HNMT: variants seen among roughly 807,000 people sequenced by gnomAD.
The protein encoded by HNMT is histamine N-methyltransferase.
A neutral mutation model predicts 32.1 loss-of-function variants in HNMT; 30 were observed. The ratio of observed to expected loss-of-function variants is 0.93; its 90% CI spans 0.70 to 1.27. The LOEUF is 1.27. HNMT is among the 50% of genes most tolerant of loss of function. The pLI, the probability that HNMT is intolerant of heterozygous loss-of-function variation, is 0.00. For missense variants in HNMT, 327 were observed against 346.0 expected (o/e 0.95, Z 0.43); for synonymous variants, 125 against 119.0 (o/e 1.05, Z -0.33).
intron 2 of HNMT, among the ~76,000 whole-genome samples, chr2:137,994,291 T>C (rs1680916147): frequency 6.6e-6 from 1 of 152,212 alleles, no homozygotes; most frequent in African/African-American, 2.4e-5. Context: ...CCATCTCATG[T>C]GCAAAGACAT....
At chr2:137,968,304 A>G (rs963473663) in intron 1 of HNMT, among the ~76,000 whole-genome samples, 1 of 152,228 alleles carries the variant, frequency 6.6e-6, no homozygotes, top group African/African-American at 2.4e-5. Context: ...ATAATATGTG[A>G]AATGGGATGA....
intron 2 of HNMT, among the ~76,000 whole-genome samples, chr2:137,989,682 C>A (rs796933292): frequency 6.6e-6 from 1 of 152,172 alleles, no homozygotes; most frequent in Non-Finnish European, 1.5e-5. Flanking sequence ...AAACTGTATT[C>A]CAAAGTGGAC....
chr2:137,978,585 G>T (rs1680366352), intron 2 of HNMT, among the ~76,000 whole-genome samples: 1 of 132,370 alleles, frequency 7.6e-6, no homozygotes, highest in Non-Finnish European at 1.5e-5. Context: ...AGATAATATA[G>T]TATTATACAA....
At position 137,967,179 on chromosome 2, in the gene HNMT, G is replaced by A. The variant is rs1338879747; in HGVS notation, c.137+2551G>A. On this transcript the variant is annotated intron_variant, in intron 1 of 5. Transcript: ENST00000280097. Reference sequence around the variant, plus strand: ...TAATCCTAGCACTTCGGGAGGCTGAGGCGGGAGGATTACTTGAGCCTAGGA... The same window carrying A: ...TAATCCTAGCACTTCGGGAGGCTGAAGCGGGAGGATTACTTGAGCCTAGGA... 12 of 759,466 alleles carry A rather than the reference G, an allele frequency of 1.6e-5. No individual in the cohort carries two copies. The East Asian group carries it at 2.4e-4, about 15-fold the overall frequency. The allele number at this position is 759,466 out of a possible 1,614,324, so 47.0% of individuals were successfully genotyped here.
At position 137,976,527 on chromosome 2, in the gene HNMT, G is replaced by A. The variant is rs186805981; in HGVS notation, c.190+6310G>A. ...TTCGGAGTAGTGTGGCTATTACCAT[G>A]TTTGCTGTATTGAGGAAGCGGTATT... On this transcript the variant is annotated intron_variant, in intron 2 of 5. Coordinates refer to ENST00000280097, the MANE Select transcript of HNMT (RefSeq NM_006895.3). Among the ~76,000 whole-genome samples, 274 of 152,240 alleles carry A rather than the reference G, an allele frequency of 1.8e-3. 1 individual carries two copies. Among genetic ancestry groups the A allele is most frequent in the African/African-American group, 6.2e-3 (256 of 41,544 alleles).
intron 2 of HNMT, among the ~76,000 whole-genome samples, chr2:137,978,982 A>T (rs1680394705): frequency 7.1e-6 from 1 of 141,260 alleles, no homozygotes; most frequent in Non-Finnish European, 1.5e-5. Flanking sequence ...TATATAATAT[A>T]TATAATTGGT....
intron 1 of HNMT, among the ~76,000 whole-genome samples, chr2:137,966,354 G>C (rs1022061570): frequency 6.6e-6 from 1 of 152,026 alleles, no homozygotes; most frequent in Admixed American, 6.5e-5. Flanking sequence ...AAATCTTTTA[G>C]TTATTTATGG....
intron 5 of HNMT, among the ~76,000 whole-genome samples, chr2:138,007,895 C>T (rs964867377): frequency 2.6e-5 from 4 of 151,920 alleles, no homozygotes; most frequent in East Asian, 1.9e-4. Flanking sequence ...GACACACTTC[C>T]GTTGAACCTG....
At chr2:138,006,908 A>G (rs553826523) in intron 5 of HNMT, among the ~76,000 whole-genome samples, 8 of 152,076 alleles carry the variant, frequency 5.3e-5, no homozygotes, top group Non-Finnish European at 1.0e-4. Flanking sequence ...AGACTCAACA[A>G]TCAGTTAGCT....
intron 4 of HNMT, 70 bp downstream of exon 4, chr2:138,002,264 A>C: frequency 8.9e-7 from 1 of 1,124,404 alleles, no homozygotes; most frequent in Non-Finnish European, 1.2e-6. Flanking sequence ...ATGAATATCT[A>C]CTATTCTAAT....
chr2:137,974,251 T>C (rs1012603453), intron 2 of HNMT, among the ~76,000 whole-genome samples: 1 of 152,090 alleles, frequency 6.6e-6, no homozygotes, highest in African/African-American at 2.4e-5. Context: ...ACAAAATGAG[T>C]GGCCAGAATT....
intron 1 of HNMT, among the ~76,000 whole-genome samples, chr2:137,966,816 T>G (rs1679971933): frequency 2.0e-5 from 3 of 152,188 alleles, no homozygotes; most frequent in African/African-American, 7.2e-5. Flanking sequence ...ATACAACTAT[T>G]AAGGAGGGAA....
intron 3 of HNMT, among the ~76,000 whole-genome samples, chr2:138,001,652 A>G (rs1340291833): frequency 3.3e-5 from 5 of 152,174 alleles, no homozygotes; most frequent in Non-Finnish European, 7.4e-5. Context: ...CAGGAAGTAG[A>G]ACGATATATG....
In HNMT at chr2:137,981,387, T is replaced by C. The variant is rs770517126; in HGVS notation, c.190+11170T>C. 3 of 1,607,248 alleles carry C rather than the reference T, an allele frequency of 1.9e-6. No homozygotes were observed. The East Asian group carries it at 6.7e-5, about 36-fold the overall frequency. The stretch of plus-strand genomic sequence containing the variant: ...AAATCTGCATTTCCCTCATTCCTAG[T>C]TTCCTTCATCCTCTTTTAAGTGTCA... On this transcript the variant is annotated intron_variant, in intron 2 of 5. Transcript: ENST00000280097.
chr2:138,013,722 C>T (rs1681578299), intron 5 of HNMT, 53 bp from the exon 6 acceptor site: 2 of 1,402,924 alleles, frequency 1.4e-6, no homozygotes, highest in East Asian at 2.4e-5. Context: ...TTCTGGCAGA[C>T]TGCAAATGAA....
intron 2 of HNMT, among the ~76,000 whole-genome samples, chr2:137,972,358 G>A (rs577313744): frequency 9.6e-4 from 146 of 152,064 alleles, no homozygotes; most frequent in South Asian, 1.9e-3. Context: ...TGTCTGCCTC[G>A]GCCTCCCAAA....
chr2:137,990,360 T>C (rs2104956424), intron 2 of HNMT, among the ~76,000 whole-genome samples: 1 of 152,308 alleles, frequency 6.6e-6, no homozygotes, highest in African/African-American at 2.4e-5. Flanking sequence ...TCCATTGTAT[T>C]GCCTTTGCTC....
rs542798501 is a variant in HNMT, at chr2:137,990,918, G to A, written c.191-10000G>A. On this transcript the variant is annotated intron_variant, in intron 2 of 5. Coordinates refer to ENST00000280097, the MANE Select transcript of HNMT (RefSeq NM_006895.3). The stretch of plus-strand genomic sequence containing the variant: ...CTGAAAATAATGTCAGATCCCACAG[G>A]TTGAGGGCTCAGTCCCACAAAACTG... Among the ~76,000 whole-genome samples, 156 of 152,116 alleles carry A rather than the reference G, an allele frequency of 1.0e-3. 2 individuals carry two copies. Among genetic ancestry groups the A allele is most frequent in the African/African-American group, 3.7e-3 (154 of 41,502 alleles).
intron 1 of HNMT, chr2:137,967,549 T>C (rs1192556609): frequency 6.4e-6 from 1 of 156,118 alleles, no homozygotes; most frequent in Non-Finnish European, 1.4e-5. Flanking sequence ...TTTAAAATAC[T>C]GAGCTGTGAA....
Sources: gnomAD v4.1 joint callset for allele counts (sites outside exome capture counted in the v4.1 genomes callset) on GRCh38, gnomAD v4.1.1 for gene constraint, MANE v1.5 for transcripts, NCBI Gene and HGNC (gene_info 2026-07-23, HGNC 2026-07-21) for gene names.